The following HSPG2 variants were observed in gnomAD, a reference collection of about 807,000 sequenced individuals.
The protein encoded by HSPG2 is basement membrane-specific heparan sulfate proteoglycan core protein.
In HSPG2, 278 loss-of-function variants were observed where a neutral mutation model predicts 526.6. The observed-to-expected ratio is 0.53, with a 90% CI of 0.48 to 0.58. HSPG2 has a LOEUF of 0.58. Among genes scored for constraint, HSPG2 ranks in the 20% least tolerant of loss-of-function variants. The pLI is 0.00. For missense variants in HSPG2, 5,354 were observed against 6,099.5 expected, an observed-to-expected ratio of 0.88 and a Z score of 4.07; for synonymous variants, 2,465 against 2,555.4, an observed-to-expected ratio of 0.96 and a Z score of 1.07.
chr1:21,931,117 G>C (rs1208817741), intron 1 of HSPG2, among the ~76,000 whole-genome samples: 2 of 152,204 alleles, frequency 1.3e-5, no homozygotes, highest in African/African-American at 2.4e-5. Context: ...GGGGCAGCAA[G>C]ACTCAAAGGC....
At position 21,861,799 on chromosome 1, in the gene HSPG2, C is replaced by G; in HGVS notation, c.4913G>C (p.Cys1638Ser). 6.2e-7 allele frequency: 1 copy of G among 1,613,776 alleles called. No homozygotes were observed. Among genetic ancestry groups the G allele is most frequent in the Non-Finnish European group, 8.5e-7 (1 of 1,180,002 alleles). The stretch of plus-strand genomic sequence containing the variant: ...AGTGTAGCCGGGTTCGCAGGCCGTG[C>G]AGCGGTACCCGCCGGCTCCCAGGCT... The part of the protein sequence containing the change: ...CESLGAGGYR[C>S]TACEPGYTGQ... The change falls in exon 39 of 97, where the codon TGC becomes TCC. Residue 1638 changes from cysteine (C) to serine (S), a missense_variant. Cys to Ser is a moderately radical substitution (Grantham distance 112). Transcript: ENST00000374695.
intron 85 of HSPG2, 177 bp downstream of exon 85, chr1:21,830,805 T>G (rs1270741221): frequency 1.7e-6 from 1 of 577,612 alleles, no homozygotes; most frequent in Non-Finnish European, 3.1e-6. Flanking sequence ...AGTGATGGGG[T>G]GAGGGCCTTC....
intron 16 of HSPG2, 54 bp downstream of exon 16, chr1:21,880,309 C>T: frequency 1.9e-6 from 3 of 1,613,780 alleles, no homozygotes; most frequent in Admixed American, 3.3e-5. Flanking sequence ...CCTGCCGTTT[C>T]TCCTCTATCC....
In HSPG2 at chr1:21,874,005, G is replaced by A; in HGVS notation, c.3663C>T (p.Ala1221=). Residue 1221 remains alanine (A), a synonymous_variant, in exon 29 of 97, where the codon GCC becomes GCT. Coordinates refer to ENST00000374695, the MANE Select transcript of HSPG2 (RefSeq NM_005529.7). ...CYGDPAAGQA[A]HTCFLDTDGH... ...CGTCTGTGTCCAGAAAACAAGTGTG[G>A]GCAGCCCTGAGTGTGGGGGCAGATT... 6.2e-7 allele frequency: 1 copy of A among 1,602,774 alleles called. No homozygotes were observed. The highest frequency in any genetic ancestry group is 8.5e-7 in the Non-Finnish European group (1 of 1,174,308).
rs759141433 is a variant in HSPG2, at chr1:21,857,141, G to A, written c.5449C>T (p.Arg1817Ter). Residue 1817 changes from arginine (R) to a stop codon, truncating the protein, a stop_gained, in exon 44 of 97, where the codon CGA (arginine) becomes TGA (stop). Coordinates refer to ENST00000374695, the MANE Select transcript of HSPG2 (RefSeq NM_005529.7). LOFTEE classifies it high-confidence loss of function. ...TRLHNGKLPT[R>*]AMDFNGILTI... is the part of the protein sequence containing the mutation. ...AGGATGCCATTGAAATCCATGGCTCGGGTGGGCAGTTTCCCGTTGTGCAGG... is the reference window on the plus strand; with the variant it reads ...AGGATGCCATTGAAATCCATGGCTCAGGTGGGCAGTTTCCCGTTGTGCAGG... The A allele has an allele frequency of 6.2e-6, 10 of 1,614,024 alleles. No homozygotes were observed. In the South Asian group the frequency reaches 6.6e-5, roughly 11 times the overall value.
At position 21,839,432 on chromosome 1, in the gene HSPG2, G is replaced by A. The variant is rs2098039868; in HGVS notation, c.9828C>T (p.Tyr3276=). ...PRVAQQDSGQ[Y]ICNATSPAGH... ...CAGCAGGGCTAGTGGCATTGCAGAT[G>A]TACTGGCCCGAGTCCTGCTGGGCTA... Residue 3276 remains tyrosine (Y), a synonymous_variant, in exon 73 of 97, where the codon TAC becomes TAT. Coordinates refer to ENST00000374695, the MANE Select transcript of HSPG2 (RefSeq NM_005529.7). This position sits in a 1 kb window ranked among gnomAD's most constrained non-coding sequence, Gnocchi z 4.5. 6.2e-7 allele frequency: 1 copy of A among 1,614,058 alleles called. No homozygotes were observed. The highest frequency in any genetic ancestry group is 8.5e-7 in the Non-Finnish European group (1 of 1,180,000).
rs139605410 is a variant in HSPG2 at position 21,842,934 on chromosome 1, G to A, written c.8759-13C>T. On this transcript the variant is annotated splice_polypyrimidine_tract_variant and intron_variant, in intron 66 of 96. Transcript: ENST00000374695. ...GCCAGTCCTGGAGCTGTGGGCACAG[G>A]GGGTGGGTGAGAGAGGCCAGGCTCC... is the stretch of plus-strand genomic sequence containing the variant. 71 of 1,614,028 alleles carry A rather than the reference G, an allele frequency of 4.4e-5. No homozygotes were observed. The East Asian group carries it at 1.3e-3, about 30-fold the overall frequency.
intron 91 of HSPG2, among the ~76,000 whole-genome samples, chr1:21,827,418 C>T (rs1375125834): frequency 6.6e-6 from 1 of 152,126 alleles, no homozygotes; most frequent in Non-Finnish European, 1.5e-5. Context: ...ACTGCCTCGC[C>T]TATTATATTA....
intron 13 of HSPG2, 105 bp from the exon 14 acceptor site, chr1:21,881,607 T>C (rs931645168): frequency 8.1e-6 from 9 of 1,117,866 alleles, no homozygotes; most frequent in African/African-American, 7.8e-5. Flanking sequence ...TAGTGGAAAT[T>C]TGATTTCGAG....
intron 1 of HSPG2, among the ~76,000 whole-genome samples, chr1:21,917,295 T>A (rs1184735783): frequency 1.3e-5 from 2 of 151,654 alleles, no homozygotes; most frequent in Non-Finnish European, 2.9e-5. Flanking sequence ...CAGCCAAGTG[T>A]GGTGGTGTGT....
intron 64 of HSPG2, among the ~76,000 whole-genome samples, chr1:21,844,964 C>T (rs898060963): frequency 3.3e-5 from 5 of 152,184 alleles, no homozygotes; most frequent in African/African-American, 1.2e-4. Flanking sequence ...GCCTTAACTA[C>T]ACACTGGGCG....
chr1:21,891,762 C>T (rs895013975), intron 3 of HSPG2, among the ~76,000 whole-genome samples: 10 of 152,148 alleles, frequency 6.6e-5, no homozygotes, highest in African/African-American at 2.4e-4. Flanking sequence ...AGGTGCATGC[C>T]ACCATGCCCA....
rs927771131 is a variant in HSPG2 at position 21,822,666 on chromosome 1, C to T, written c.*650G>A. ...TCCCTTACAGCCCCTGAGGGAGGGA[C>T]CCCAGGCTGTGTGCTGGCAGGAGGG... On this transcript the variant is annotated 3_prime_UTR_variant, in exon 97 of 97. Coordinates refer to ENST00000374695, the MANE Select transcript of HSPG2 (RefSeq NM_005529.7). The T allele has an allele frequency of 1.1e-5, 2 of 177,478 alleles. No homozygotes were observed. The highest frequency in any genetic ancestry group is 2.4e-5 in the Non-Finnish European group (2 of 83,584). The allele number at this position is 177,478 out of a possible 1,614,324, so 11.0% of individuals were successfully genotyped here.
At chr1:21,833,445 A>G (rs1450643234) in intron 79 of HSPG2, 22 bp downstream of exon 79, 4 of 1,614,036 alleles carry the variant, frequency 2.5e-6, no homozygotes, top group Middle Eastern at 1.6e-4. Flanking sequence ...GGCACTGCCA[A>G]TTCTTAGGGG....
chr1:21,873,949 C>T lies in HSPG2; in HGVS notation c.3719G>A (p.Gly1240Asp). The T allele has an allele frequency of 1.2e-6, 2 of 1,602,458 alleles. No individual in the cohort carries two copies. Among genetic ancestry groups the T allele is most frequent in the Non-Finnish European group, 1.7e-6 (2 of 1,174,240 alleles). Residue 1240 changes from glycine to aspartate, a missense_variant, in exon 29 of 97, where the codon GGC becomes GAC. Coordinates refer to ENST00000374695, the MANE Select transcript of HSPG2 (RefSeq NM_005529.7). ...GHPTCDACSPGHSGRHCERCA... is the reference protein window; with the variant it reads ...GHPTCDACSPDHSGRHCERCA... ...CCTCTCACAGTGACGCCCACTGTGG[C>T]CTGGGGAGCACGCATCACAGGTGGG...
rs757527255 is a variant in HSPG2 at position 21,850,164 on chromosome 1, G to A, written c.7323C>T (p.Ile2441=). 5.0e-6 allele frequency: 8 copies of A among 1,613,410 alleles called. No individual in the cohort carries two copies. Among genetic ancestry groups the A allele is most frequent in the South Asian group, 4.4e-5 (4 of 91,086 alleles). Reference sequence around the variant, plus strand: ...CGGCCACTTGCGAAGACGATGACTCGATCCGGACCGTGGGGGTGACCCCAA... The same window carrying A: ...CGGCCACTTGCGAAGACGATGACTCAATCCGGACCGTGGGGGTGACCCCAA... ...PALGVTPTVR[I]ESSSSQVAEG... Residue 2441 remains isoleucine (I), a synonymous_variant, in exon 57 of 97, where the codon ATC becomes ATT. Coordinates refer to ENST00000374695, the MANE Select transcript of HSPG2 (RefSeq NM_005529.7).
rs754643779 is a variant in HSPG2 at position 21,896,291 on chromosome 1, G to A, written c.83C>T (p.Ala28Val). ...CTCAGGCAGAGACAAGCCATCGTATGCCCTCAGCCCATGGGTCACCTGTAA... is the reference window on the plus strand; with the variant it reads ...CTCAGGCAGAGACAAGCCATCGTATACCCTCAGCCCATGGGTCACCTGTAA... Reference protein sequence around the residue: ...RLLAVTHGLRAYDGLSLPEDI... With the variant: ...RLLAVTHGLRVYDGLSLPEDI... The change falls in exon 2 of 97, where the codon GCA (alanine) becomes GTA (valine). Residue 28 changes from alanine (A) to valine (V), a missense_variant. Transcript: ENST00000374695. 258 of 1,613,702 alleles carry A rather than the reference G, an allele frequency of 1.6e-4. 5 individuals are homozygous for A. The South Asian group carries it at 2.7e-3, about 17-fold the overall frequency.
intron 1 of HSPG2, among the ~76,000 whole-genome samples, chr1:21,925,883 T>A (rs547305410): frequency 6.6e-6 from 1 of 152,026 alleles, no homozygotes; most frequent in South Asian, 2.1e-4. Context: ...TTTATTTTTT[T>A]TTTTGAGACA....
chr1:21,912,736 T>C (rs1181142015), intron 1 of HSPG2, among the ~76,000 whole-genome samples: 1 of 152,114 alleles, frequency 6.6e-6, no homozygotes, highest in Non-Finnish European at 1.5e-5. Context: ...CCCCAGCAAT[T>C]TGGGAGGCCG....
Sources: gnomAD v4.1 joint callset for allele counts (sites outside exome capture counted in the v4.1 genomes callset) on GRCh38, gnomAD v4.1.1 for gene constraint, Gnocchi (gnomAD v3.1) non-coding constraint, MANE v1.5 for transcripts, NCBI Gene and HGNC (gene_info 2026-07-23, HGNC 2026-07-21) for gene names.